TSNAX: variants seen among roughly 807,000 people sequenced by gnomAD.
The protein encoded by TSNAX is translin-associated protein X.
Under a neutral mutation model 33.0 loss-of-function variants are expected in TSNAX, and 12 were observed. The ratio of observed to expected loss-of-function variants is 0.36; its 90% CI spans 0.23 to 0.59. The LOEUF is 0.59. Among genes scored for constraint, TSNAX ranks in the 20% least tolerant of loss-of-function variants. The probability of loss-of-function intolerance (pLI) is 0.74; values close to 1 mark genes in which losing one functional copy is unlikely to be tolerated. For missense variants in TSNAX, 267 were observed against 341.3 expected (o/e 0.78, Z 1.72); for synonymous variants, 110 against 117.2 (o/e 0.94, Z 0.40).
chr1:231,542,538 A>G lies in TSNAX; in HGVS notation c.294A>G (p.Arg98=), dbSNP rs1461698667. The change falls in exon 4 of 6, where the codon AGA becomes AGG. Residue 98 remains arginine (R), a synonymous_variant. Transcript: ENST00000366639. ...TESEIKLDGV[R]QKIFQVAQEL... The stretch of plus-strand genomic sequence containing the variant: ...CAGAAATTAAATTGGATGGTGTCAG[A>G]CAAAAGATATTCCAGGTAGCCCAAG... The G allele has an allele frequency of 6.2e-7, 1 of 1,613,966 alleles. No individual in the cohort carries two copies. Among genetic ancestry groups the G allele is most frequent in the African/African-American group, 1.3e-5 (1 of 74,930 alleles).
intron 4 of TSNAX, among the ~76,000 whole-genome samples, chr1:231,552,207 T>G (rs919971422): frequency 2.6e-5 from 4 of 152,102 alleles, no homozygotes; most frequent in Admixed American, 2.0e-4. Context: ...GAGAATCACT[T>G]GAACCCAGGT....
chr1:231,533,328 T>A (rs1451173644), intron 2 of TSNAX, among the ~76,000 whole-genome samples: 1 of 152,176 alleles, frequency 6.6e-6, no homozygotes, highest in Admixed American at 6.5e-5. Flanking sequence ...TTTGAACTCT[T>A]GACCTCAAGT....
intron 2 of TSNAX, chr1:231,535,677 A>G (rs1000520511): frequency 6.6e-6 from 1 of 152,230 alleles, no homozygotes; most frequent in Admixed American, 6.5e-5. Flanking sequence ...AAAGTATTCC[A>G]TTCAGCATTA....
chr1:231,532,185 C>CACACACACACACACACACACACAG (rs1356252515), intron 2 of TSNAX, among the ~76,000 whole-genome samples: 2 of 116,120 alleles, frequency 1.7e-5, no homozygotes, highest in African/African-American at 3.4e-5. Flanking sequence ...CACACACACA[C>CACACACACACACACACACACACAG]AGTTTTGGTT....
intron 3 of TSNAX, 147 bp downstream of exon 3, chr1:231,537,474 C>T (rs753348547): frequency 9.5e-5 from 50 of 523,670 alleles, no homozygotes; most frequent in Non-Finnish European, 1.3e-4. Flanking sequence ...GGTGTGGTGG[C>T]GCATGCCTGT....
At chr1:231,547,004 C>T (rs780631260) in intron 4 of TSNAX, among the ~76,000 whole-genome samples, 9 of 152,188 alleles carry the variant, frequency 5.9e-5, no homozygotes, top group Non-Finnish European at 1.2e-4. Flanking sequence ...GAAATACGGT[C>T]TCTGTGCGTG....
intron 3 of TSNAX, among the ~76,000 whole-genome samples, chr1:231,541,604 C>A (rs1333349118): frequency 3.2e-5 from 4 of 124,610 alleles, no homozygotes; most frequent in Non-Finnish European, 6.7e-5. Context: ...AAATATTTAT[C>A]CACATTTACC....
intron 1 of TSNAX, 90 bp downstream of exon 1, chr1:231,528,916 G>A: frequency 1.3e-6 from 2 of 1,549,278 alleles, no homozygotes; most frequent in Non-Finnish European, 1.8e-6. Flanking sequence ...CACCCTTGAA[G>A]GATGCCTTCG....
chr1:231,548,269 T>C (rs201463250), intron 4 of TSNAX, among the ~76,000 whole-genome samples: 3 of 152,240 alleles, frequency 2.0e-5, no homozygotes, highest in Non-Finnish European at 4.4e-5. Flanking sequence ...GATAACATTA[T>C]TCTGTATAAA....
intron 2 of TSNAX, chr1:231,534,724 C>T (rs1283671020): frequency 1.3e-5 from 2 of 152,150 alleles, no homozygotes; most frequent in Non-Finnish European, 2.9e-5. Context: ...ACGTTTATCT[C>T]AAACTACAAC....
At chr1:231,543,173 G>A (rs766162596) in intron 4 of TSNAX, among the ~76,000 whole-genome samples, 5 of 150,084 alleles carry the variant, frequency 3.3e-5, no homozygotes, top group Non-Finnish European at 3.0e-5. Flanking sequence ...ACAAGACTCC[G>A]TCTCAAAAAA....
intron 4 of TSNAX, among the ~76,000 whole-genome samples, chr1:231,557,047 G>T (rs964717792): frequency 6.6e-6 from 1 of 152,140 alleles, no homozygotes; most frequent in Non-Finnish European, 1.5e-5. Context: ...AAGAATAGAT[G>T]GGGGGAGACC....
intron 3 of TSNAX, among the ~76,000 whole-genome samples, chr1:231,541,074 G>T: frequency 6.6e-6 from 1 of 152,056 alleles, no homozygotes. Context: ...CAGGTGTTTA[G>T]ACCGTTTACA....
intron 3 of TSNAX, among the ~76,000 whole-genome samples, chr1:231,537,538 C>T (rs865922868): frequency 6.6e-6 from 1 of 151,874 alleles, no homozygotes; most frequent in East Asian, 1.9e-4. Context: ...CTCAGGAGGT[C>T]GAGACCAGCC....
chr1:231,548,408 C>G (rs1266265350), intron 4 of TSNAX, among the ~76,000 whole-genome samples: 1 of 152,164 alleles, frequency 6.6e-6, no homozygotes, highest in Admixed American at 6.5e-5. Context: ...ATCCTCCCTT[C>G]AAGTCTCTGC....
At chr1:231,539,549 A>G (rs1435952670) in intron 3 of TSNAX, among the ~76,000 whole-genome samples, 1 of 152,216 alleles carries the variant, frequency 6.6e-6, no homozygotes, top group Non-Finnish European at 1.5e-5. Flanking sequence ...AATATTTTAG[A>G]AAAATCTGCG....
intron 5 of TSNAX, among the ~76,000 whole-genome samples, chr1:231,562,790 A>G (rs199761981): frequency 1.3e-3 from 201 of 152,344 alleles, no homozygotes; most frequent in Non-Finnish European, 2.2e-3. Context: ...TGATTGGGAA[A>G]GGTATTTTGC....
At position 231,544,317 on chromosome 1, in the gene TSNAX, A is replaced by G. The variant is rs138212203; in HGVS notation, c.367+1706A>G. On this transcript the variant is annotated intron_variant, in intron 4 of 5. Transcript: ENST00000366639. ...AAAGGCAAGAGTTTGAATAACTTCC[A>G]TAATCTTTATCATTTTTTCTATCAC... is the stretch of plus-strand genomic sequence containing the variant. 5.3e-3 allele frequency among the ~76,000 whole-genome samples: 805 copies of G among 152,326 alleles called. 4 individuals carry two copies. Among genetic ancestry groups the G allele is most frequent in the African/African-American group, 0.018 (756 of 41,566 alleles).
At chr1:231,547,127 T>C (rs1409389874) in intron 4 of TSNAX, among the ~76,000 whole-genome samples, 1 of 152,256 alleles carries the variant, frequency 6.6e-6, no homozygotes, top group African/African-American at 2.4e-5. Flanking sequence ...TTGATTGATT[T>C]AACATTTTTT....
Sources: allele counts gnomAD v4.1 joint callset (sites outside exome capture counted in the v4.1 genomes callset), GRCh38; gene constraint gnomAD v4.1.1; transcripts MANE v1.5; gene names NCBI Gene and HGNC (gene_info 2026-07-23, HGNC 2026-07-21).